Variants in RBPJ observed in about 807,000 individuals in gnomAD.
RBPJ encodes recombining binding protein suppressor of hairless.
Under a neutral mutation model 67.8 loss-of-function variants are expected in RBPJ, and 9 were observed. The ratio of observed to expected loss-of-function variants is 0.13; its 90% CI spans 0.08 to 0.23. The LOEUF (loss-of-function observed/expected upper bound fraction) is 0.23, where lower values mean the gene tolerates loss of function less well. Among genes scored for constraint, RBPJ ranks in the 10% least tolerant of loss-of-function variants. The pLI is 1.00. For synonymous variants in RBPJ, 198 were observed against 203.3 expected (o/e 0.97, Z 0.22); for missense variants, 305 against 595.6 (o/e 0.51, Z 5.08).
intron 1 of RBPJ, among the ~76,000 whole-genome samples, chr4:26,210,709 TTCTTTCCTTCTTTCTTTCCTTCTTTAC>T: frequency 9.0e-6 from 1 of 111,702 alleles, no homozygotes; most frequent in South Asian, 3.3e-4. Context: ...CTTTCTTTCC[TTCTTTCCTTCTTTCTTTCCTTCTTTAC>T]TTCTTTCCTT....
intron 1 of RBPJ, among the ~76,000 whole-genome samples, chr4:26,375,690 C>T (rs1386338949): frequency 1.3e-5 from 2 of 152,198 alleles, no homozygotes; most frequent in African/African-American, 4.8e-5. Context: ...AGCCAGTTTT[C>T]CATAATCACA....
intron 1 of RBPJ, among the ~76,000 whole-genome samples, chr4:26,224,684 A>G (rs1305522303): frequency 6.6e-6 from 1 of 152,158 alleles, no homozygotes; most frequent in Non-Finnish European, 1.5e-5. Flanking sequence ...TGATGGCAGA[A>G]TCCAAGTAAC....
intron 4 of RBPJ, among the ~76,000 whole-genome samples, chr4:26,415,904 T>A (rs929501781): frequency 6.6e-6 from 1 of 152,204 alleles, no homozygotes; most frequent in Admixed American, 6.5e-5. Flanking sequence ...CAGATTTCTA[T>A]TGGAAGCCAG....
At chr4:26,314,724 G>A (rs189405852), upstream of RBPJ, among the ~76,000 whole-genome samples, 5 of 152,212 alleles carry the variant, frequency 3.3e-5, no homozygotes, top group South Asian at 8.3e-4. Flanking sequence ...TACAGTCTGC[G>A]GAACCGTGAG....
In RBPJ at chr4:26,175,648, A is replaced by G. The variant is rs528764603; in HGVS notation, c.-167+12034A>G. On this transcript the variant is annotated intron_variant, in intron 1 of 4. Coordinates refer to the RBPJ transcript ENST00000512351. The stretch of plus-strand genomic sequence containing the variant: ...GGGTTTCCCTGGGGTTGGTGTCCCC[A>G]TTAGGGCTCCTTCTGGCCCTGTGGT... 1.1e-4 allele frequency among the ~76,000 whole-genome samples: 16 copies of G among 152,328 alleles called. No individual in the cohort carries two copies. In the South Asian group the frequency reaches 3.3e-3, roughly 32 times the overall value.
At chr4:26,378,492 A>G (rs1282966535) in intron 1 of RBPJ, among the ~76,000 whole-genome samples, 1 of 152,178 alleles carries the variant, frequency 6.6e-6, no homozygotes, top group East Asian at 1.9e-4. Context: ...ACCCAGGGGA[A>G]TCCCTCTCCA....
At chr4:26,176,700 T>C (rs949509312) in intron 1 of RBPJ, among the ~76,000 whole-genome samples, 2 of 152,198 alleles carry the variant, frequency 1.3e-5, no homozygotes, top group Admixed American at 1.3e-4. Context: ...TCATGGGACA[T>C]AGCTCCAAGA....
At chr4:26,370,948 C>T (rs987000071) in intron 1 of RBPJ, among the ~76,000 whole-genome samples, 1 of 151,772 alleles carries the variant, frequency 6.6e-6, no homozygotes. Context: ...GGCGTGGTGG[C>T]GGACGCCTGT....
chr4:26,318,911 G>A (rs71610891), upstream of RBPJ, among the ~76,000 whole-genome samples: 2,602 of 149,640 alleles, frequency 0.017, 43 homozygotes, highest in Non-Finnish European at 0.025. Context: ...GCAGGAGAAT[G>A]GCGTGAATCC....
At chr4:26,333,809 C>G (rs1022251645) in intron 1 of RBPJ, among the ~76,000 whole-genome samples, 1 of 152,134 alleles carries the variant, frequency 6.6e-6, no homozygotes, top group African/African-American at 2.4e-5. Flanking sequence ...CCTGCCTCAG[C>G]CTGCCAAGTA....
Position 26,249,859 on chromosome 4 carries a change from C to A in RBPJ, c.-167+86245C>A, listed in dbSNP as rs149013625. Reference sequence around the variant, plus strand: ...TGGATGCAATGGCATGATCTTGGCTCACCACAACCTCTGCTTCCCAGGTTC... The same window carrying A: ...TGGATGCAATGGCATGATCTTGGCTAACCACAACCTCTGCTTCCCAGGTTC... On this transcript the variant is annotated intron_variant, in intron 1 of 4. Transcript: ENST00000512351. Among the ~76,000 whole-genome samples the A allele has an allele frequency of 4.8e-3, 697 of 145,838 alleles. 4 individuals are homozygous for A. The highest frequency in any genetic ancestry group is 0.017 in the African/African-American group (671 of 39,270).
Position 26,420,722 on chromosome 4 carries a change from GA to G in RBPJ, c.494del (p.Asp165AlafsTer28). Reference sequence around the variant, plus strand: ...AAAGAAGCAGTCATTGAAAAATGCTGACTGTATGTATGCTTTTCTTATTTAT... The same window carrying G: ...AAAGAAGCAGTCATTGAAAAATGCTGCTGTATGTATGCTTTTCTTATTTAT... Reference protein sequence around the residue: ...SKKKQSLKNADLCIASGTKVA... With the variant: ...SKKKQSLKNAXLCIASGTKVA... On this transcript the variant is annotated frameshift_variant and splice_region_variant, in exon 5 of 11. Transcript: ENST00000355476. LOFTEE classifies it high-confidence loss of function. The G allele has an allele frequency of 6.2e-7, 1 of 1,608,782 alleles. No individual in the cohort carries two copies.
the RBPJ span, among the ~76,000 whole-genome samples, chr4:26,120,917 T>G: frequency 1.3e-4 from 16 of 126,902 alleles, no homozygotes; most frequent in Admixed American, 4.0e-4. Flanking sequence ...TGGACATACA[T>G]TTTTCAAAAT....
chr4:26,402,770 T>G (rs536905624), intron 2 of RBPJ, among the ~76,000 whole-genome samples: 1 of 152,342 alleles, frequency 6.6e-6, no homozygotes, highest in African/African-American at 2.4e-5. Context: ...TTCCGTGGTG[T>G]TGTTTGCCAA....
At chr4:26,353,003 T>TA (rs978812394) in intron 1 of RBPJ, among the ~76,000 whole-genome samples, 15 of 152,204 alleles carry the variant, frequency 9.9e-5, no homozygotes, top group African/African-American at 3.4e-4. Context: ...TAACAATTCC[T>TA]AAAAAATCCA....
chr4:26,132,552 G>T, the RBPJ span, among the ~76,000 whole-genome samples: 1 of 152,210 alleles, frequency 6.6e-6, no homozygotes, highest in East Asian at 1.9e-4. Context: ...GTGGAAGCTG[G>T]GAGCCACTGG....
At chr4:26,347,283 T>C (rs545145038) in intron 1 of RBPJ, among the ~76,000 whole-genome samples, 3 of 152,316 alleles carry the variant, frequency 2.0e-5, no homozygotes, top group Admixed American at 1.3e-4. Context: ...ACTTGAAGAC[T>C]GGTAGATGCT....
At chr4:26,362,555 T>C (rs1191339106) in intron 1 of RBPJ, 2 of 1,610,822 alleles carry the variant, frequency 1.2e-6, no homozygotes, top group East Asian at 2.2e-5. Flanking sequence ...TGAGGTGTTT[T>C]GAGGTGCATC....
rs185884220 is a variant in RBPJ, at chr4:26,184,252, G to A, written c.-167+20638G>A. On this transcript the variant is annotated intron_variant, in intron 1 of 4. Coordinates refer to the RBPJ transcript ENST00000512351. ...TAAAGACAAGTGGTGGACTATTCAAGGTGGACTATTCAAGGGGCCCGTGGC... is the reference window on the plus strand; with the variant it reads ...TAAAGACAAGTGGTGGACTATTCAAAGTGGACTATTCAAGGGGCCCGTGGC... 1.1e-3 allele frequency among the ~76,000 whole-genome samples: 167 copies of A among 151,948 alleles called. 2 individuals are homozygous for A. Among genetic ancestry groups the A allele is most frequent in the Admixed American group, 0.011 (164 of 15,274 alleles).
Sources: gnomAD v4.1 joint callset for allele counts (sites outside exome capture counted in the v4.1 genomes callset) on GRCh38, gnomAD v4.1.1 for gene constraint, MANE v1.5 for transcripts, NCBI Gene and HGNC (gene_info 2026-07-23, HGNC 2026-07-21) for gene names.